PDE11A: variants seen among roughly 807,000 people sequenced by gnomAD.
PDE11A encodes phosphodiesterase 11A.
A neutral mutation model predicts 100.5 loss-of-function variants in PDE11A; 100 were observed. The observed-to-expected ratio is 1.00, with a 90% CI of 0.85 to 1.18. The LOEUF is 1.18. Among genes scored for constraint, PDE11A ranks in the 50% most tolerant of loss-of-function variants. The pLI is 0.00. For missense variants in PDE11A, 1,141 were observed against 1,152.6 expected (o/e 0.99, Z 0.15); for synonymous variants, 381 against 420.8 (o/e 0.91, Z 1.16).
At chr2:178,000,122 A>C in intron 2 of PDE11A, among the ~76,000 whole-genome samples, 1 of 152,212 alleles carries the variant, frequency 6.6e-6, no homozygotes, top group Non-Finnish European at 1.5e-5. Flanking sequence ...CTACAATCAT[A>C]TCTAGCCAGG....
At chr2:177,953,456 A>C (rs1040780003) in intron 2 of PDE11A, among the ~76,000 whole-genome samples, 1 of 152,200 alleles carries the variant, frequency 6.6e-6, no homozygotes, top group Non-Finnish European at 1.5e-5. Context: ...AAAAGTGAAT[A>C]TCCTGTTTTT....
intron 6 of PDE11A, among the ~76,000 whole-genome samples, chr2:177,836,512 T>C (rs2083402557): frequency 6.6e-6 from 1 of 152,144 alleles, no homozygotes; most frequent in Non-Finnish European, 1.5e-5. Flanking sequence ...CTCTGTAAAA[T>C]GGACCAATCA....
rs559861663 is a variant in PDE11A, at chr2:177,809,511, T to C, written c.1737+7318A>G. Among the ~76,000 whole-genome samples the C allele has an allele frequency of 5.3e-5, 8 of 152,234 alleles. No individual in the cohort carries two copies. In the South Asian group the frequency reaches 8.3e-4, roughly 16 times the overall value. On this transcript the variant is annotated intron_variant, in intron 9 of 19. Transcript: ENST00000286063. ...CTGAAGAATTTATAAAAGCAGCTCA[T>C]TACAAAAAGAAAATGTTGGTGTCTG...
intron 19 of PDE11A, among the ~76,000 whole-genome samples, chr2:177,652,005 G>C (rs1222649810): frequency 6.6e-6 from 1 of 152,186 alleles, no homozygotes; most frequent in African/African-American, 2.4e-5. Context: ...AAGATGCTGA[G>C]GAAATGCAAG....
chr2:177,667,323 C>G (rs1170630768), intron 18 of PDE11A, among the ~76,000 whole-genome samples: 1 of 152,160 alleles, frequency 6.6e-6, no homozygotes, highest in Middle Eastern at 3.2e-3. Flanking sequence ...GACACCATGG[C>G]TAACCCCTAT....
chr2:177,855,638 G>A (rs1192845290), intron 5 of PDE11A, among the ~76,000 whole-genome samples: 1 of 151,968 alleles, frequency 6.6e-6, no homozygotes, highest in Non-Finnish European at 1.5e-5. Context: ...CTGTTTGGCA[G>A]TTCCATGGAA....
chr2:177,887,869 G>A (rs983281362), intron 4 of PDE11A, among the ~76,000 whole-genome samples: 1 of 152,066 alleles, frequency 6.6e-6, no homozygotes, highest in Admixed American at 6.6e-5. Context: ...GTGCTGCCTA[G>A]TGCACTATAA....
intron 6 of PDE11A, among the ~76,000 whole-genome samples, chr2:177,824,037 T>C (rs1460304891): frequency 1.3e-5 from 2 of 152,136 alleles, no homozygotes; most frequent in East Asian, 1.9e-4. Flanking sequence ...TGTTCGCCAG[T>C]TAAATAAAAG....
At chr2:177,891,221 C>T (rs1002855450) in intron 4 of PDE11A, among the ~76,000 whole-genome samples, 26 of 152,186 alleles carry the variant, frequency 1.7e-4, no homozygotes, top group African/African-American at 6.0e-4. Context: ...ACCCGGGAGG[C>T]GGAGGTTGCA....
At chr2:178,046,983 T>C (rs2105853397) in intron 1 of PDE11A, among the ~76,000 whole-genome samples, 1 of 152,304 alleles carries the variant, frequency 6.6e-6, no homozygotes, top group Admixed American at 6.5e-5. Flanking sequence ...CCTATCTCAT[T>C]CCTGTAGACT....
chr2:177,835,565 T>C (rs1295459683), intron 6 of PDE11A, among the ~76,000 whole-genome samples: 7 of 152,210 alleles, frequency 4.6e-5, no homozygotes, highest in Admixed American at 2.0e-4. Context: ...TGGCGCCCAC[T>C]CTGGCCACAC....
At chr2:177,771,075 C>T (rs1013436749) in intron 9 of PDE11A, among the ~76,000 whole-genome samples, 3 of 152,142 alleles carry the variant, frequency 2.0e-5, no homozygotes, top group African/African-American at 4.8e-5. Context: ...GCGATCCTCC[C>T]GCCTCAGCCT....
At chr2:178,107,173 CCTCT>C in intron 1 of PDE11A, among the ~76,000 whole-genome samples, 1 of 151,992 alleles carries the variant, frequency 6.6e-6, no homozygotes, top group East Asian at 1.9e-4. Flanking sequence ...TTACTTCTGC[CCTCT>C]CTAATCATAG....
chr2:177,815,643 T>TA (rs2083025927), intron 9 of PDE11A, among the ~76,000 whole-genome samples: 1 of 152,092 alleles, frequency 6.6e-6, no homozygotes, highest in Non-Finnish European at 1.5e-5. Flanking sequence ...GCATTGCAAA[T>TA]AAAAATCCCT....
At chr2:178,094,055 C>T (rs2087457765) in intron 2 of PDE11A, among the ~76,000 whole-genome samples, 1 of 152,134 alleles carries the variant, frequency 6.6e-6, no homozygotes, top group Admixed American at 6.6e-5. Context: ...AGACCATCAT[C>T]CTTATTTTCC....
chr2:178,012,473 T>C (rs2086284413), intron 2 of PDE11A, among the ~76,000 whole-genome samples: 1 of 152,172 alleles, frequency 6.6e-6, no homozygotes, highest in South Asian at 2.1e-4. Flanking sequence ...TGGTGAATAG[T>C]ATAGTTGACA....
intron 6 of PDE11A, among the ~76,000 whole-genome samples, chr2:177,831,388 C>A (rs1161532502): frequency 2.0e-5 from 3 of 152,232 alleles, no homozygotes; most frequent in African/African-American, 7.2e-5. Context: ...TTTCTAAGGA[C>A]TTCCCTGAAT....
intron 10 of PDE11A, among the ~76,000 whole-genome samples, chr2:177,735,905 TC>T (rs2081772240): frequency 6.6e-6 from 1 of 152,110 alleles, no homozygotes; most frequent in African/African-American, 2.4e-5. Flanking sequence ...TCCCAGAACT[TC>T]CCCTTTGAAG....
At chr2:177,930,709 G>A (rs2085193837) in intron 2 of PDE11A, among the ~76,000 whole-genome samples, 1 of 152,166 alleles carries the variant, frequency 6.6e-6, no homozygotes, top group African/African-American at 2.4e-5. Context: ...CCACGGAAAT[G>A]GCCAAACACA....
Sources: gnomAD v4.1 joint callset for allele counts (sites outside exome capture counted in the v4.1 genomes callset) on GRCh38, gnomAD v4.1.1 for gene constraint, MANE v1.5 for transcripts, NCBI Gene and HGNC (gene_info 2026-07-23, HGNC 2026-07-21) for gene names.